The following PLGRKT variants were observed in gnomAD, a reference collection of about 807,000 sequenced individuals.
PLGRKT encodes the protein plasminogen receptor with a C-terminal lysine.
A neutral mutation model predicts 18.5 loss-of-function variants in PLGRKT; 22 were observed. That is an observed-to-expected ratio of 1.19 (90% CI 0.85 to 1.70). PLGRKT has a LOEUF of 1.70. Ranked by LOEUF, PLGRKT falls within the 40% of genes most tolerant of loss-of-function variation. The pLI is 0.00. For missense variants in PLGRKT, 235 were observed against 174.4 expected (o/e 1.35, Z -1.96); for synonymous variants, 72 against 52.8 (o/e 1.36, Z -1.58).
At chr9:5,417,551 C>T (rs1818487086) in intron 3 of PLGRKT, among the ~76,000 whole-genome samples, 1 of 144,238 alleles carries the variant, frequency 6.9e-6, no homozygotes, top group Non-Finnish European at 1.5e-5. Flanking sequence ...ATGTGTGTGT[C>T]AAGGGACACT....
intron 3 of PLGRKT, among the ~76,000 whole-genome samples, chr9:5,381,361 C>T (rs1054562478): frequency 1.3e-5 from 2 of 152,242 alleles, no homozygotes; most frequent in Non-Finnish European, 2.9e-5. Context: ...ATCCCAGCTG[C>T]TCCAGCTCCA....
At chr9:5,377,007 C>T (rs1188643630) in intron 3 of PLGRKT, among the ~76,000 whole-genome samples, 1 of 152,062 alleles carries the variant, frequency 6.6e-6, no homozygotes, top group Non-Finnish European at 1.5e-5. Context: ...AATAAAATCC[C>T]TTAAGCCTTC....
At chr9:5,381,453 G>C (rs1283298361) in intron 3 of PLGRKT, among the ~76,000 whole-genome samples, 1 of 152,222 alleles carries the variant, frequency 6.6e-6, no homozygotes, top group African/African-American at 2.4e-5. Flanking sequence ...GCTTCCACGT[G>C]GTGTTGAGCC....
At chr9:5,432,909 G>A (rs1036024427) in intron 2 of PLGRKT, among the ~76,000 whole-genome samples, 3 of 151,902 alleles carry the variant, frequency 2.0e-5, no homozygotes, top group Admixed American at 6.5e-5. Context: ...GCCTCTGCCC[G>A]CCCGCCACTC....
intron 5 of PLGRKT, among the ~76,000 whole-genome samples, chr9:5,358,790 T>C (rs939815674): frequency 6.6e-6 from 1 of 152,208 alleles, no homozygotes; most frequent in Non-Finnish European, 1.5e-5. Flanking sequence ...AACCTGACAT[T>C]ACTTGTAAAC....
intron 3 of PLGRKT, among the ~76,000 whole-genome samples, chr9:5,394,245 T>G (rs1002666694): frequency 6.6e-6 from 1 of 151,786 alleles, no homozygotes; most frequent in Non-Finnish European, 1.5e-5. Flanking sequence ...CCTGATGAAC[T>G]GAGGGTGAGC....
intron 3 of PLGRKT, among the ~76,000 whole-genome samples, chr9:5,385,291 C>G (rs545535601): frequency 1.7e-4 from 26 of 151,878 alleles, no homozygotes; most frequent in Non-Finnish European, 3.5e-4. Flanking sequence ...GTTTGTTATT[C>G]TTGTGGCCTC....
At chr9:5,411,949 T>C (rs990831296) in intron 3 of PLGRKT, among the ~76,000 whole-genome samples, 2 of 152,242 alleles carry the variant, frequency 1.3e-5, no homozygotes, top group African/African-American at 4.8e-5. Flanking sequence ...TACTTGGGCA[T>C]GTTGATACCA....
chr9:5,369,353 TG>T (rs1448354518), intron 3 of PLGRKT, among the ~76,000 whole-genome samples: 2 of 152,218 alleles, frequency 1.3e-5, no homozygotes, highest in African/African-American at 2.4e-5. Context: ...TCATCATCAC[TG>T]GTCATTAGAG....
intron 3 of PLGRKT, among the ~76,000 whole-genome samples, chr9:5,383,075 A>G (rs943238022): frequency 6.6e-6 from 1 of 152,218 alleles, no homozygotes; most frequent in Non-Finnish European, 1.5e-5. Context: ...AAATCCAATG[A>G]CAAATGTCCT....
chr9:5,381,479 G>C (rs962574378), intron 3 of PLGRKT, among the ~76,000 whole-genome samples: 1 of 152,236 alleles, frequency 6.6e-6, no homozygotes, highest in Admixed American at 6.5e-5. Context: ...GTGCACAGAA[G>C]TCAAGAACTG....
rs1449816527 is a variant in PLGRKT at position 5,418,397 on chromosome 9, T to G, written c.81+13500A>C. Reference sequence around the variant, plus strand: ...CCACAAGATGTCACAGTCAAGCGCTTAGAAATGCAGGACATGTTATGGAGC... The same window carrying G: ...CCACAAGATGTCACAGTCAAGCGCTGAGAAATGCAGGACATGTTATGGAGC... On this transcript the variant is annotated intron_variant, in intron 3 of 5. Transcript: ENST00000223864. The surrounding 1 kb of genome is among the most constrained non-coding windows in gnomAD (Gnocchi z 4.2). The G allele has an allele frequency of 2.5e-6, 2 of 813,452 alleles. No homozygotes were observed. Among genetic ancestry groups the G allele is most frequent in the East Asian group, 2.7e-5 (1 of 36,980 alleles). The allele number at this position is 813,452 out of a possible 1,614,324, so 50.4% of individuals were successfully genotyped here.
chr9:5,417,394 G>C (rs553354624), intron 3 of PLGRKT, among the ~76,000 whole-genome samples: 16 of 152,016 alleles, frequency 1.1e-4, no homozygotes, highest in Non-Finnish European at 7.4e-5. Context: ...ATGGACCCAA[G>C]ACCTAAATTT....
intron 3 of PLGRKT, among the ~76,000 whole-genome samples, chr9:5,406,585 C>A (rs963041024): frequency 2.7e-4 from 33 of 123,130 alleles, no homozygotes; most frequent in African/African-American, 9.5e-4. Context: ...GGGAGGGGAA[C>A]AACATTCACT....
rs74487372 is a variant in PLGRKT, at chr9:5,364,836, C to T, written c.82-2948G>A. ...TTCTTATTATTAAACAGGGAGATTA[C>T]AAACAAGCAAGAGGAAAAGACTAGA... On this transcript the variant is annotated intron_variant, in intron 3 of 5. Coordinates refer to ENST00000223864, the MANE Select transcript of PLGRKT (RefSeq NM_018465.4). Among the ~76,000 whole-genome samples, 1,380 of 152,188 alleles carry T rather than the reference C, an allele frequency of 9.1e-3. 23 individuals carry two copies. The highest frequency in any genetic ancestry group is 0.033 in the East Asian group (171 of 5,182).
In PLGRKT at chr9:5,361,842, A is replaced by T; in HGVS notation, c.128T>A (p.Met43Lys). The stretch of plus-strand genomic sequence containing the variant: ...CCGAGACCACGCAATCTGCATGGCC[A>T]TTTGTCTTTCCCTCATTTCACTCTG... ...IMQSEMRERQ[M>K]AMQIAWSREF... The change falls in exon 4 of 6, where the codon ATG (methionine) becomes AAG (lysine). Residue 43 changes from methionine (M) to lysine (K), a missense_variant. Physicochemically the swap from Met to Lys is moderately conservative, Grantham distance 95. Coordinates refer to ENST00000223864, the MANE Select transcript of PLGRKT (RefSeq NM_018465.4). 6.2e-7 allele frequency: 1 copy of T among 1,612,514 alleles called. No individual in the cohort carries two copies. Among genetic ancestry groups the T allele is most frequent in the Non-Finnish European group, 8.5e-7 (1 of 1,178,822 alleles).
At chr9:5,422,375 T>G (rs1461522991) in intron 3 of PLGRKT, among the ~76,000 whole-genome samples, 1 of 152,126 alleles carries the variant, frequency 6.6e-6, no homozygotes, top group African/African-American at 2.4e-5. Flanking sequence ...AACCTCTAGA[T>G]TTACCACTTC....
intron 3 of PLGRKT, among the ~76,000 whole-genome samples, chr9:5,367,024 CACACAT>C (rs879477188): frequency 0.11 from 8,272 of 77,300 alleles, 584 homozygotes; most frequent in African/African-American, 0.24. Flanking sequence ...GACAGATACA[CACACAT>C]ACACACACAC....
intron 3 of PLGRKT, among the ~76,000 whole-genome samples, chr9:5,394,712 G>A (rs1365173698): frequency 1.3e-5 from 2 of 151,848 alleles, no homozygotes; most frequent in African/African-American, 2.4e-5. Flanking sequence ...TGCGTGACAG[G>A]GAAGTTTTTT....
Sources: gnomAD v4.1 joint callset for allele counts (sites outside exome capture counted in the v4.1 genomes callset) on GRCh38, gnomAD v4.1.1 for gene constraint, Gnocchi (gnomAD v3.1) non-coding constraint, MANE v1.5 for transcripts, NCBI Gene and HGNC (gene_info 2026-07-23, HGNC 2026-07-21) for gene names.